Variants in KIAA0319 observed in about 807,000 individuals in gnomAD.
KIAA0319 encodes KIAA0319, also known as dyslexia-associated protein KIAA0319.
In KIAA0319, 83 loss-of-function variants were observed where a neutral mutation model predicts 108.4. The observed-to-expected ratio is 0.77, with a 90% CI of 0.64 to 0.92. KIAA0319 has a LOEUF of 0.92. KIAA0319 is among the 40% of genes least tolerant of loss of function. The pLI, the probability that KIAA0319 is intolerant of heterozygous loss-of-function variation, is 0.00. For synonymous variants in KIAA0319, 484 were observed against 510.4 expected (o/e 0.95, Z 0.70); for missense variants, 1,195 against 1,322.4 (o/e 0.90, Z 1.49).
At chr6:24,633,498 GC>G (rs1212693165) in intron 1 of KIAA0319, among the ~76,000 whole-genome samples, 1 of 152,122 alleles carries the variant, frequency 6.6e-6, no homozygotes, top group African/African-American at 2.4e-5. Context: ...AGTGGCTCAT[GC>G]CTGGAATCCC....
chr6:24,617,530 C>A (rs905129339), intron 1 of KIAA0319, among the ~76,000 whole-genome samples: 5 of 152,006 alleles, frequency 3.3e-5, no homozygotes, highest in African/African-American at 7.3e-5. Flanking sequence ...GAAAGCAGAG[C>A]GGAAAGCTGA....
Position 24,599,229 on chromosome 6 carries a change from G to T in KIAA0319, c.55+1820C>A. 2 of 508,756 alleles carry T rather than the reference G, an allele frequency of 3.9e-6. No homozygotes were observed. Among genetic ancestry groups the T allele is most frequent in the South Asian group, 4.1e-5 (2 of 48,918 alleles). 31.5% of individuals were successfully genotyped at this position (508,756 alleles called of 1,614,324 possible). ...CAAGTATGAGGAGCTGCAGGCACTG[G>T]CTGGGAAGCACAGGGATGACCTGTG... On this transcript the variant is annotated intron_variant, in intron 2 of 20. Transcript: ENST00000378214. The surrounding 1 kb of genome is among the most constrained non-coding windows in gnomAD (Gnocchi z 4.1).
chr6:24,618,674 C>G (rs1259519379), intron 1 of KIAA0319, among the ~76,000 whole-genome samples: 5 of 151,188 alleles, frequency 3.3e-5, no homozygotes, highest in Non-Finnish European at 5.9e-5. Context: ...ACACAGGCAA[C>G]ACAAAGAAAA....
chr6:24,553,211 G>C lies in KIAA0319; in HGVS notation c.2948+1330C>G, dbSNP rs115969281. ...TAATCAAAACCTACCATTTGTAACA[G>C]TATACTTCCAGAACTCCTTCCTCTA... On this transcript the variant is annotated intron_variant, in intron 19 of 20. Coordinates refer to ENST00000378214, the MANE Select transcript of KIAA0319 (RefSeq NM_014809.4). Among the ~76,000 whole-genome samples the C allele has an allele frequency of 2.4e-3, 362 of 149,890 alleles. 1 individual carries two copies. Among genetic ancestry groups the C allele is most frequent in the Non-Finnish European group, 3.8e-3 (259 of 67,776 alleles).
chr6:24,562,771 G>A (rs912193526), intron 16 of KIAA0319, among the ~76,000 whole-genome samples: 10 of 152,124 alleles, frequency 6.6e-5, no homozygotes, highest in Admixed American at 5.9e-4. Context: ...TCTGAAAGGC[G>A]GAGGTTACAG....
At chr6:24,560,586 C>T (rs1762978800) in intron 16 of KIAA0319, among the ~76,000 whole-genome samples, 1 of 152,234 alleles carries the variant, frequency 6.6e-6, no homozygotes, top group Admixed American at 6.5e-5. Flanking sequence ...CAACAGAAAC[C>T]TCTTCTCACA....
intron 1 of KIAA0319, among the ~76,000 whole-genome samples, chr6:24,639,807 A>G (rs1776683842): frequency 1.4e-5 from 2 of 148,024 alleles, no homozygotes; most frequent in South Asian, 4.3e-4. Flanking sequence ...AGACCACACC[A>G]TTTCACTCCA....
Position 24,563,381 on chromosome 6 carries a change from T to A in KIAA0319, c.2569A>T (p.Ile857Phe). The A allele has an allele frequency of 1.2e-6, 2 of 1,613,328 alleles. No individual in the cohort carries two copies. Among genetic ancestry groups the A allele is most frequent in the Non-Finnish European group, 1.7e-6 (2 of 1,179,638 alleles). The change falls in exon 16 of 21, where the codon ATT (isoleucine) becomes TTT (phenylalanine). Residue 857 changes from isoleucine (I) to phenylalanine (F), a missense_variant. By Grantham distance (21) the Ile-to-Phe change is conservative. Transcript: ENST00000378214. ...VLDSDIKVQK[I>F]RAHSDLSTVI... ...TACCTGAGATCCGAGTGGGCCCGAA[T>A]CTTCTGGACCTTAATGTCCGAGTCC...
At chr6:24,561,384 A>G (rs188732950) in intron 16 of KIAA0319, among the ~76,000 whole-genome samples, 1 of 152,356 alleles carries the variant, frequency 6.6e-6, no homozygotes, top group African/African-American at 2.4e-5. Flanking sequence ...GGAAAGTTTT[A>G]ACATTACTAA....
chr6:24,576,504 G>A lies in KIAA0319; in HGVS notation c.1598C>T (p.Ala533Val), dbSNP rs547730358. 4.3e-6 allele frequency: 7 copies of A among 1,614,160 alleles called. No homozygotes were observed. The African/African-American group carries it at 5.3e-5, about 12-fold the overall frequency. Residue 533 changes from alanine (A) to valine (V), a missense_variant, in exon 10 of 21, where the codon GCA becomes GTA. Physicochemically the swap from Ala to Val is moderately conservative, Grantham distance 64 (BLOSUM62 0). Transcript: ENST00000378214. ...NAVDYPPVAN[A>V]GPNHTITLPQ... ...CAAAGTTATGGTGTGATTTGGTCCT[G>A]CATTAGCAACTGGTGGGTAGTCCAC...
At position 24,588,692 on chromosome 6, in the gene KIAA0319, T is replaced by TC. The variant is rs987355712; in HGVS notation, c.894dup (p.Ser299GlufsTer12). The TC allele has an allele frequency of 1.9e-6, 3 of 1,613,924 alleles. No individual in the cohort carries two copies. Among genetic ancestry groups the TC allele is most frequent in the African/African-American group, 1.3e-5 (1 of 74,996 alleles). Reference sequence around the variant, plus strand: ...GGTGTTGGGATGCTGTGCTCTGTACTCCCCGGGGTGACTGTGAGCACTGGG... The same window carrying TC: ...GGTGTTGGGATGCTGTGCTCTGTACTCCCCCGGGGTGACTGTGAGCACTGGG... On this transcript the variant is annotated frameshift_variant, in exon 4 of 21. Transcript: ENST00000378214. LOFTEE classifies it high-confidence loss of function.
intron 16 of KIAA0319, among the ~76,000 whole-genome samples, chr6:24,559,471 C>CTATG (rs1762790033): frequency 6.6e-6 from 1 of 152,174 alleles, no homozygotes; most frequent in African/African-American, 2.4e-5. Context: ...AAGAATGCAT[C>CTATG]TATGTGCTGG....
chr6:24,599,033 G>A lies in KIAA0319; in HGVS notation c.55+2016C>T. 1 of 731,628 alleles carries A rather than the reference G, an allele frequency of 1.4e-6. No individual in the cohort carries two copies. The highest frequency in any genetic ancestry group is 2.5e-6 in the Non-Finnish European group (1 of 406,962). The allele number at this position is 731,628 out of a possible 1,614,324, so 45.3% of individuals were successfully genotyped here. A position where few individuals can be genotyped will look rare whatever the true frequency, so the allele number is the denominator to read the frequency against. On this transcript the variant is annotated intron_variant, in intron 2 of 20. Coordinates refer to ENST00000378214, the MANE Select transcript of KIAA0319 (RefSeq NM_014809.4). The surrounding 1 kb of genome is among the most constrained non-coding windows in gnomAD (Gnocchi z 4.1). ...ACGAGATCAACTTCCTCAGGCAGCT[G>A]TATGAAGAGGAGATCCAGGAGCTGC...
Position 24,546,190 on chromosome 6 carries a change from C to T in KIAA0319, c.*975G>A, listed in dbSNP as rs1171678771. 3 of 152,076 alleles carry T rather than the reference C, an allele frequency of 2.0e-5. No homozygotes were observed. The highest frequency in any genetic ancestry group is 2.1e-4 in the South Asian group (1 of 4,820). The allele number at this position is 152,076 out of a possible 1,614,324, so 9.4% of individuals were successfully genotyped here. ...TCAAGTTATTTTGGAAAGTACCTGT[C>T]GGGGACCAGAGTATCATAACCACGC... On this transcript the variant is annotated 3_prime_UTR_variant, in exon 21 of 21. Transcript: ENST00000378214.
intron 1 of KIAA0319, among the ~76,000 whole-genome samples, chr6:24,640,890 G>A (rs562247304): frequency 6.6e-6 from 1 of 152,206 alleles, no homozygotes; most frequent in Non-Finnish European, 1.5e-5. Context: ...CTGGGCTCAA[G>A]TCATCTGCCC....
chr6:24,603,152 G>A (rs935116701), intron 1 of KIAA0319, among the ~76,000 whole-genome samples: 2 of 152,156 alleles, frequency 1.3e-5, no homozygotes. Flanking sequence ...ACAGTCATTA[G>A]TATCTTACAT....
At chr6:24,588,341 C>A (rs1442493498) in intron 4 of KIAA0319, among the ~76,000 whole-genome samples, 2 of 152,214 alleles carry the variant, frequency 1.3e-5, no homozygotes, top group Non-Finnish European at 2.9e-5. Flanking sequence ...AGCAGCCTCT[C>A]ACAGCACTTA....
intron 20 of KIAA0319, among the ~76,000 whole-genome samples, chr6:24,551,213 C>A (rs1356208277): frequency 6.6e-6 from 1 of 151,708 alleles, no homozygotes; most frequent in Non-Finnish European, 1.5e-5. Context: ...TCTCGAACTA[C>A]TGAGCTCAGG....
intron 1 of KIAA0319, among the ~76,000 whole-genome samples, chr6:24,616,321 T>G (rs1773134695): frequency 1.3e-5 from 2 of 152,238 alleles, no homozygotes; most frequent in Admixed American, 1.3e-4. Flanking sequence ...GATGAGTAAT[T>G]TACTTAAGTT....
Sources: allele counts gnomAD v4.1 joint callset (sites outside exome capture counted in the v4.1 genomes callset), GRCh38; gene constraint gnomAD v4.1.1; non-coding constraint Gnocchi (gnomAD v3.1); transcripts MANE v1.5; gene names NCBI Gene and HGNC (gene_info 2026-07-23, HGNC 2026-07-21).